Variants in ST3GAL3 observed in about 807,000 individuals in gnomAD.
ST3GAL3 encodes ST3 beta-galactoside alpha-2,3-sialyltransferase 3.
ST3GAL3 carries 21 observed loss-of-function variants against 50.1 expected under a neutral mutation model. The observed-to-expected ratio is 0.42, with a 90% CI of 0.30 to 0.60. The LOEUF (loss-of-function observed/expected upper bound fraction) is 0.60, where lower values mean the gene tolerates loss of function less well. Ranked by LOEUF, ST3GAL3 falls within the 20% of genes least tolerant of loss-of-function variation. The pLI is 0.19. For missense variants in ST3GAL3, 353 were observed against 489.4 expected (o/e 0.72, Z 2.63); for synonymous variants, 183 against 190.0 (o/e 0.96, Z 0.30).
chr1:43,751,261 G>A (rs1165163286), intron 2 of ST3GAL3, among the ~76,000 whole-genome samples: 2 of 152,140 alleles, frequency 1.3e-5, no homozygotes, highest in Non-Finnish European at 2.9e-5. Flanking sequence ...ATAATGCCCT[G>A]TACATGCATA....
intron 2 of ST3GAL3, among the ~76,000 whole-genome samples, chr1:43,766,929 A>C (rs1212369930): frequency 6.6e-6 from 1 of 152,190 alleles, no homozygotes; most frequent in Non-Finnish European, 1.5e-5. Flanking sequence ...CATTCTAGGC[A>C]GTGATAGTAG....
chr1:43,802,897 CTA>C (rs1362269559), intron 3 of ST3GAL3, among the ~76,000 whole-genome samples: 1 of 152,098 alleles, frequency 6.6e-6, no homozygotes, highest in Non-Finnish European at 1.5e-5. Context: ...GAGGCTGACC[CTA>C]TGTTATGGCC....
intron 4 of ST3GAL3, among the ~76,000 whole-genome samples, chr1:43,817,671 T>TCTTCCTTCTC (rs2061524371): frequency 1.4e-5 from 2 of 139,498 alleles, no homozygotes; most frequent in South Asian, 2.6e-4. Flanking sequence ...TTCTTCTCCT[T>TCTTCCTTCTC]CTTCCTTCTC....
intron 1 of ST3GAL3, among the ~76,000 whole-genome samples, chr1:43,729,393 C>T (rs1424054788): frequency 6.6e-6 from 1 of 151,930 alleles, no homozygotes; most frequent in Non-Finnish European, 1.5e-5. Flanking sequence ...TATTAAAAAC[C>T]ATTTTTTTCC....
intron 2 of ST3GAL3, among the ~76,000 whole-genome samples, chr1:43,773,810 C>G (rs905062891): frequency 4.6e-5 from 7 of 152,174 alleles, no homozygotes; most frequent in African/African-American, 1.7e-4. Context: ...TGGTTCAACA[C>G]CTTAACCAAA....
At chr1:43,906,390 C>T (rs1342992382) in intron 9 of ST3GAL3, among the ~76,000 whole-genome samples, 21 of 129,860 alleles carry the variant, frequency 1.6e-4, no homozygotes, top group South Asian at 8.6e-4. Context: ...TTTCCTTTCC[C>T]GCCACTTTTC....
chr1:43,867,162 T>C (rs1482421005), intron 5 of ST3GAL3, among the ~76,000 whole-genome samples: 2 of 152,140 alleles, frequency 1.3e-5, no homozygotes, highest in Non-Finnish European at 2.9e-5. Flanking sequence ...CTCGTGAGAC[T>C]CATTCACTAT....
At chr1:43,847,139 A>G (rs2066390031) in intron 5 of ST3GAL3, among the ~76,000 whole-genome samples, 2 of 152,230 alleles carry the variant, frequency 1.3e-5, no homozygotes, top group African/African-American at 2.4e-5. Flanking sequence ...ATTATCCCAA[A>G]ACCAGAAAAT....
chr1:43,891,530 T>C (rs981547958), intron 5 of ST3GAL3, among the ~76,000 whole-genome samples: 2 of 152,072 alleles, frequency 1.3e-5, no homozygotes, highest in East Asian at 3.9e-4. Flanking sequence ...GATCGCACCA[T>C]TGCACTCCAG....
At chr1:43,760,125 G>A (rs759031824) in intron 2 of ST3GAL3, among the ~76,000 whole-genome samples, 1 of 152,170 alleles carries the variant, frequency 6.6e-6, no homozygotes, top group Non-Finnish European at 1.5e-5. Context: ...GATAGACAAA[G>A]TATGGTTATT....
At chr1:43,778,876 T>G (rs1698350722) in intron 2 of ST3GAL3, among the ~76,000 whole-genome samples, 2 of 152,100 alleles carry the variant, frequency 1.3e-5, no homozygotes, top group Non-Finnish European at 1.5e-5. Flanking sequence ...CTCGACCTCC[T>G]AACCTCGTGA....
At chr1:43,725,304 A>C (rs1381325012) in intron 1 of ST3GAL3, among the ~76,000 whole-genome samples, 1 of 152,088 alleles carries the variant, frequency 6.6e-6, no homozygotes, top group Non-Finnish European at 1.5e-5. Flanking sequence ...CCCAGGTTCA[A>C]GCTATTCTCC....
chr1:43,769,657 TC>T (rs1694345935), intron 2 of ST3GAL3, among the ~76,000 whole-genome samples: 1 of 152,344 alleles, frequency 6.6e-6, no homozygotes, highest in South Asian at 2.1e-4. Flanking sequence ...ACTAGATGGT[TC>T]AAGTGTTTTA....
At chr1:43,850,709 G>T in intron 5 of ST3GAL3, 4 of 735,812 alleles carry the variant, frequency 5.4e-6, no homozygotes, top group Non-Finnish European at 1.0e-5. Context: ...TGACTGTTTG[G>T]TAGCCCAGCT....
At chr1:43,713,327 C>A (rs924425340) in intron 1 of ST3GAL3, among the ~76,000 whole-genome samples, 5 of 152,242 alleles carry the variant, frequency 3.3e-5, no homozygotes, top group Admixed American at 6.5e-5. Flanking sequence ...AAAATTCCTA[C>A]CTTGCCAGGT....
At chr1:43,809,209 A>G (rs2060250859) in intron 3 of ST3GAL3, among the ~76,000 whole-genome samples, 1 of 152,186 alleles carries the variant, frequency 6.6e-6, no homozygotes, top group Non-Finnish European at 1.5e-5. Context: ...GCATTACATC[A>G]TATTCCTATG....
intron 5 of ST3GAL3, among the ~76,000 whole-genome samples, chr1:43,847,617 C>T (rs2066477097): frequency 6.6e-6 from 1 of 152,106 alleles, no homozygotes; most frequent in Non-Finnish European, 1.5e-5. Context: ...AATATGGTTT[C>T]CATGTGCTGG....
intron 11 of ST3GAL3, chr1:43,921,413 C>A: frequency 2.5e-6 from 1 of 407,952 alleles, no homozygotes; most frequent in South Asian, 1.2e-4. Context: ...GCCTGTCAGC[C>A]AGCCTTTTCT....
chr1:43,728,335 T>G (rs1280785352), intron 1 of ST3GAL3, among the ~76,000 whole-genome samples: 1 of 105,634 alleles, frequency 9.5e-6, no homozygotes, highest in African/African-American at 3.8e-5. Flanking sequence ...GCGAAACTCC[T>G]TCTCAGAAAA....
Sources: allele counts gnomAD v4.1 joint callset (sites outside exome capture counted in the v4.1 genomes callset), GRCh38; gene constraint gnomAD v4.1.1; transcripts MANE v1.5; gene names NCBI Gene and HGNC (gene_info 2026-07-23, HGNC 2026-07-21).